TANC1: variants seen among roughly 807,000 people sequenced by gnomAD.
The protein encoded by TANC1 is protein TANC1.
TANC1 carries 77 observed loss-of-function variants against 149.7 expected under a neutral mutation model. The observed-to-expected ratio is 0.51, with a 90% CI of 0.43 to 0.62. The LOEUF is 0.62. Among genes scored for constraint, TANC1 ranks in the 20% least tolerant of loss-of-function variants. The pLI, the probability that TANC1 is intolerant of heterozygous loss-of-function variation, is 0.00. For synonymous variants in TANC1, 854 were observed against 925.0 expected, an observed-to-expected ratio of 0.92 and a Z score of 1.39; for missense variants, 1,985 against 2,321.8, an observed-to-expected ratio of 0.85 and a Z score of 2.98.
intron 3 of TANC1, among the ~76,000 whole-genome samples, chr2:159,078,740 G>T (rs1343293374): frequency 3.3e-5 from 5 of 152,180 alleles, no homozygotes; most frequent in Non-Finnish European, 7.3e-5. Context: ...TCTGGAAGCA[G>T]CATCTTAAGG....
At chr2:159,119,446 T>C (rs1421631893) in intron 4 of TANC1, among the ~76,000 whole-genome samples, 1 of 152,144 alleles carries the variant, frequency 6.6e-6, no homozygotes, top group Admixed American at 6.5e-5. Flanking sequence ...TTAAAAAAAA[T>C]CAAGAAGCAG....
At chr2:159,194,890 A>G (rs1001324488) in intron 17 of TANC1, among the ~76,000 whole-genome samples, 3 of 152,190 alleles carry the variant, frequency 2.0e-5, no homozygotes, top group Non-Finnish European at 4.4e-5. Flanking sequence ...GATGAGTTCC[A>G]TGAACTCATG....
intron 22 of TANC1, among the ~76,000 whole-genome samples, chr2:159,223,065 C>G (rs901836944): frequency 1.3e-5 from 2 of 152,160 alleles, no homozygotes; most frequent in Admixed American, 1.3e-4. Flanking sequence ...ACCACCACAC[C>G]CAGCTTATTT....
At chr2:159,209,424 G>A (rs2058841153) in intron 19 of TANC1, among the ~76,000 whole-genome samples, 1 of 152,210 alleles carries the variant, frequency 6.6e-6, no homozygotes. Flanking sequence ...GTGAAGCTAT[G>A]AAATTTGGCT....
intron 14 of TANC1, among the ~76,000 whole-genome samples, chr2:159,182,177 C>T (rs2056555526): frequency 6.7e-6 from 1 of 148,764 alleles, no homozygotes; most frequent in Non-Finnish European, 1.5e-5. Flanking sequence ...CCACTACACT[C>T]CAGCCTGGGC....
At chr2:159,143,877 A>C (rs1005233536) in intron 5 of TANC1, among the ~76,000 whole-genome samples, 28 of 152,120 alleles carry the variant, frequency 1.8e-4, no homozygotes, top group African/African-American at 6.8e-4. Flanking sequence ...CCATAAGTTA[A>C]AATTTAGTTT....
At chr2:159,096,076 G>C (rs1324706635) in intron 3 of TANC1, among the ~76,000 whole-genome samples, 2 of 152,150 alleles carry the variant, frequency 1.3e-5, no homozygotes, top group Non-Finnish European at 2.9e-5. Flanking sequence ...TTGTCATAGA[G>C]ACTGGTGTGC....
At chr2:159,203,323 C>T (rs371751687) in intron 19 of TANC1, among the ~76,000 whole-genome samples, 3 of 151,506 alleles carry the variant, frequency 2.0e-5, no homozygotes, top group Admixed American at 1.3e-4. Context: ...TCTCCTGCCT[C>T]AGCCTCCCGA....
At chr2:159,079,305 A>ATGCC (rs1286039309) in intron 3 of TANC1, among the ~76,000 whole-genome samples, 2 of 148,228 alleles carry the variant, frequency 1.3e-5, no homozygotes, top group African/African-American at 4.9e-5. Context: ...AACTGGGATT[A>ATGCC]CAGGTGTGAG....
At chr2:159,176,062 C>T (rs2055825787) in intron 12 of TANC1, among the ~76,000 whole-genome samples, 1 of 152,156 alleles carries the variant, frequency 6.6e-6, no homozygotes, top group African/African-American at 2.4e-5. Context: ...GTAGCCCACC[C>T]CAATGACAGT....
chr2:159,002,118 T>C (rs1486867125), intron 2 of TANC1, among the ~76,000 whole-genome samples: 1 of 152,176 alleles, frequency 6.6e-6, no homozygotes, highest in Non-Finnish European at 1.5e-5. Flanking sequence ...GCGTGGGGTG[T>C]GCCAGTGTGA....
At chr2:159,168,783 C>A (rs1176237174) in intron 8 of TANC1, among the ~76,000 whole-genome samples, 6 of 152,066 alleles carry the variant, frequency 3.9e-5, no homozygotes, top group African/African-American at 1.4e-4. Flanking sequence ...ACTGAGCCAA[C>A]TTTTAGTGTT....
At chr2:159,002,387 A>G (rs1371387822) in intron 2 of TANC1, among the ~76,000 whole-genome samples, 1 of 152,206 alleles carries the variant, frequency 6.6e-6, no homozygotes, top group Non-Finnish European at 1.5e-5. Flanking sequence ...TATCTTTCTA[A>G]TGCTGACAGA....
At chr2:159,171,871 A>AAAAAAAGAAAAG (rs70994272) in intron 10 of TANC1, among the ~76,000 whole-genome samples, 1 of 105,598 alleles carries the variant, frequency 9.5e-6, no homozygotes, top group African/African-American at 3.3e-5. Flanking sequence ...AAAAAAAAAA[A>AAAAAAAGAAAAG]AAAAGAAAAA....
Position 159,042,218 on chromosome 2 carries a change from C to T in TANC1, c.-15-23678C>T, listed in dbSNP as rs373771776. 9.5e-4 allele frequency among the ~76,000 whole-genome samples: 145 copies of T among 152,274 alleles called. 2 individuals carry two copies. The highest frequency in any genetic ancestry group is 3.1e-3 in the African/African-American group (130 of 41,564). On this transcript the variant is annotated intron_variant, in intron 2 of 26. Transcript: ENST00000263635. ...GAGAGGCCTCCACCCAGCCTCGGCA[C>T]GCACAAACCTGTTAGCACCCTGGTG...
At chr2:158,969,156 C>G (rs974772926) in intron 1 of TANC1, among the ~76,000 whole-genome samples, 2 of 152,310 alleles carry the variant, frequency 1.3e-5, no homozygotes, top group East Asian at 3.9e-4. Context: ...CCGCTCGCCC[C>G]CTTTCCCGCC....
chr2:159,228,077 T>A, intron 25 of TANC1, 112 bp downstream of exon 25: 1 of 1,224,702 alleles, frequency 8.2e-7, no homozygotes, highest in Non-Finnish European at 1.1e-6. Flanking sequence ...TCCAATTTGC[T>A]TGCACATTTA....
intron 2 of TANC1, among the ~76,000 whole-genome samples, chr2:159,057,276 C>T (rs1324493851): frequency 6.6e-6 from 1 of 152,212 alleles, no homozygotes; most frequent in African/African-American, 2.4e-5. Flanking sequence ...TGAACCTTCA[C>T]TGCACCTCTT....
chr2:159,195,718 T>A (rs1353374131), intron 17 of TANC1, among the ~76,000 whole-genome samples: 2 of 152,174 alleles, frequency 1.3e-5, no homozygotes, highest in African/African-American at 4.8e-5. Context: ...CTGCTGCACA[T>A]CACCGCACCT....
Sources: allele counts gnomAD v4.1 joint callset (sites outside exome capture counted in the v4.1 genomes callset), GRCh38; gene constraint gnomAD v4.1.1; transcripts MANE v1.5; gene names NCBI Gene and HGNC (gene_info 2026-07-23, HGNC 2026-07-21).